The following PIEZO2 variants were observed in gnomAD, a reference collection of about 807,000 sequenced individuals.
PIEZO2 encodes piezo type mechanosensitive ion channel component 2.
Under a neutral mutation model 337.3 loss-of-function variants are expected in PIEZO2, and 172 were observed. That is an observed-to-expected ratio of 0.51 (90% confidence interval 0.45 to 0.58). The LOEUF (loss-of-function observed/expected upper bound fraction) is 0.58, where lower values mean the gene tolerates loss of function less well. PIEZO2 is among the 20% of genes least tolerant of loss of function. PIEZO2 has a pLI of 0.00. For synonymous variants in PIEZO2, 1,251 were observed against 1,228.5 expected (o/e 1.02, Z -0.38); for missense variants, 3,028 against 3,391.3 (o/e 0.89, Z 2.66).
chr18:10,786,905 A>G (rs994554392), intron 16 of PIEZO2, 131 bp downstream of exon 16: 47 of 921,202 alleles, frequency 5.1e-5, no homozygotes, highest in Non-Finnish European at 7.4e-5. Flanking sequence ...ACTCAGTTTT[A>G]ATTTCTATTA....
Position 11,104,492 on chromosome 18 carries a change from G to A in PIEZO2, c.65-38270C>T, listed in dbSNP as rs2039504194. The stretch of plus-strand genomic sequence containing the variant: ...GCAGCTGCCCTTCTCTCTAGGGGTG[G>A]GGCAGGGACGGCCTCCTGGGCAGGA... On this transcript the variant is annotated intron_variant, in intron 1 of 55. Transcript: ENST00000674853. This position sits in a 1 kb window ranked among gnomAD's most constrained non-coding sequence, Gnocchi z 4.6. Among the ~76,000 whole-genome samples the A allele has an allele frequency of 6.6e-6, 1 of 152,146 alleles. No individual in the cohort carries two copies. The highest frequency in any genetic ancestry group is 2.4e-5 in the African/African-American group (1 of 41,438).
chr18:11,012,297 A>C (rs2035935510), intron 2 of PIEZO2, among the ~76,000 whole-genome samples: 1 of 152,174 alleles, frequency 6.6e-6, no homozygotes. Context: ...TTTTTTTCTC[A>C]TGTACAATAT....
intron 2 of PIEZO2, among the ~76,000 whole-genome samples, chr18:11,037,870 C>T (rs1427030482): frequency 6.6e-6 from 1 of 152,196 alleles, no homozygotes; most frequent in Non-Finnish European, 1.5e-5. Flanking sequence ...TGTTTCCATC[C>T]ATATAGGTTT....
intron 2 of PIEZO2, among the ~76,000 whole-genome samples, chr18:11,036,335 C>A (rs1467505622): frequency 6.6e-6 from 1 of 152,100 alleles, no homozygotes; most frequent in Non-Finnish European, 1.5e-5. Flanking sequence ...GCTGAAAAAC[C>A]TAATGTTTTT....
chr18:10,811,275 G>T (rs577084875), intron 7 of PIEZO2, among the ~76,000 whole-genome samples: 20 of 152,230 alleles, frequency 1.3e-4, no homozygotes, highest in Admixed American at 1.0e-3. Context: ...CCACAACAAT[G>T]ATATTTGTAG....
intron 5 of PIEZO2, among the ~76,000 whole-genome samples, chr18:10,864,473 T>C (rs1375646324): frequency 6.6e-6 from 1 of 152,254 alleles, no homozygotes; most frequent in Non-Finnish European, 1.5e-5. Flanking sequence ...CCTACTCTAG[T>C]TATTCCCAAG....
At chr18:10,671,834 GA>G in intron 55 of PIEZO2, 55 bp from the exon 56 acceptor site, 1 of 1,417,676 alleles carries the variant, frequency 7.1e-7, no homozygotes, top group African/African-American at 1.5e-5. Flanking sequence ...AGTTAATAAA[GA>G]AAAGCATGTC....
Position 10,800,363 on chromosome 18 carries a change from C to T in PIEZO2, c.1352G>A (p.Arg451Gln), listed in dbSNP as rs747264342. 31 of 1,535,750 alleles carry T rather than the reference C, an allele frequency of 2.0e-5. No homozygotes were observed. The highest frequency in any genetic ancestry group is 1.8e-4 in the Admixed American group (9 of 50,806). ...KADLYSTPQY[R>Q]WEPSDESSEK... is the part of the protein sequence containing the mutation. ...TGAGGATTCATCAGAGGGCTCCCAC[C>T]GGTACTGAGGGGTGGAGTAGAGGTC... is the stretch of plus-strand genomic sequence containing the variant. The change falls in exon 11 of 56, where the codon CGG becomes CAG. Residue 451 changes from arginine to glutamine, a missense_variant. This residue lies in a region of PIEZO2 where 542 missense variants were observed against 605.6 expected (regional missense o/e 0.89). Transcript: ENST00000674853.
rs543693260 is a variant in PIEZO2, at chr18:11,038,204, T to C, written c.160+27923A>G. On this transcript the variant is annotated intron_variant, in intron 2 of 55. Transcript: ENST00000674853. This position sits in a 1 kb window ranked among gnomAD's most constrained non-coding sequence, Gnocchi z 4.1. ...TAGGTCCTAGTCACCAGAACCACTA[T>C]ACAGTAACACAGCCATAAAAATCAT... Among the ~76,000 whole-genome samples, 1 of 152,232 alleles carries C rather than the reference T, an allele frequency of 6.6e-6. No individual in the cohort carries two copies. The highest frequency in any genetic ancestry group is 2.4e-5 in the African/African-American group (1 of 41,534).
At position 11,097,218 on chromosome 18, in the gene PIEZO2, A is replaced by C. The variant is rs1420571276; in HGVS notation, c.65-30996T>G. ...TATATGTTTAAATGATTGAAAAAAA[A>C]AGTCAAAAGAAGACTAGATCATGAA... On this transcript the variant is annotated intron_variant, in intron 1 of 55. Transcript: ENST00000674853. This position sits in a 1 kb window ranked among gnomAD's most constrained non-coding sequence, Gnocchi z 5.0. Among the ~76,000 whole-genome samples the C allele has an allele frequency of 2.0e-5, 3 of 152,224 alleles. No individual in the cohort carries two copies. Among genetic ancestry groups the C allele is most frequent in the Admixed American group, 2.0e-4 (3 of 15,286 alleles).
chr18:10,916,235 A>G (rs1451622794), intron 3 of PIEZO2, among the ~76,000 whole-genome samples: 2 of 152,140 alleles, frequency 1.3e-5, no homozygotes, highest in Admixed American at 1.3e-4. Flanking sequence ...GGCTTCGCCT[A>G]GTGGATCCCA....
intron 2 of PIEZO2, among the ~76,000 whole-genome samples, chr18:11,012,563 C>T (rs1216356073): frequency 6.6e-6 from 1 of 152,166 alleles, no homozygotes; most frequent in Admixed American, 6.5e-5. Flanking sequence ...CTCTTGGGCA[C>T]CAGCTCAGGT....
intron 2 of PIEZO2, among the ~76,000 whole-genome samples, chr18:11,034,599 A>G (rs1208475382): frequency 6.6e-6 from 1 of 152,084 alleles, no homozygotes; most frequent in African/African-American, 2.4e-5. Context: ...GCTAAATGTA[A>G]CATTTCTTAG....
intron 3 of PIEZO2, among the ~76,000 whole-genome samples, chr18:10,934,478 C>A (rs1039128924): frequency 4.6e-5 from 7 of 152,080 alleles, no homozygotes; most frequent in African/African-American, 1.7e-4. Flanking sequence ...ACCACTCCCC[C>A]GCAAGTCAGG....
chr18:10,996,213 C>A (rs980749124), intron 2 of PIEZO2, among the ~76,000 whole-genome samples: 1 of 152,090 alleles, frequency 6.6e-6, no homozygotes, highest in Non-Finnish European at 1.5e-5. Context: ...GTTGCTTTCA[C>A]TGAAGAGAAC....
At position 10,761,578 on chromosome 18, in the gene PIEZO2, G is replaced by A. The variant is rs532322763; in HGVS notation, c.3250-467C>T. ...TAGATTGAAAAGCATGCTGACAACA[G>A]TAAAATAATAATAGTGATGATATAA... On this transcript the variant is annotated intron_variant, in intron 23 of 55. Coordinates refer to ENST00000674853, the MANE Select transcript of PIEZO2 (RefSeq NM_001378183.1). 5.3e-5 allele frequency among the ~76,000 whole-genome samples: 8 copies of A among 152,230 alleles called. No individual in the cohort carries two copies. The East Asian group carries it at 1.4e-3, about 26-fold the overall frequency.
intron 36 of PIEZO2, among the ~76,000 whole-genome samples, chr18:10,730,616 C>T (rs1475628129): frequency 6.6e-6 from 1 of 152,100 alleles, no homozygotes; most frequent in Non-Finnish European, 1.5e-5. Flanking sequence ...TTTCAAATAT[C>T]TTGGTATAAC....
intron 7 of PIEZO2, among the ~76,000 whole-genome samples, chr18:10,816,837 CA>C (rs2040378546): frequency 6.6e-6 from 1 of 152,072 alleles, no homozygotes; most frequent in African/African-American, 2.4e-5. Flanking sequence ...CTTTTTTGCA[CA>C]AATAGAAACT....
intron 2 of PIEZO2, among the ~76,000 whole-genome samples, chr18:11,049,897 C>T (rs559160210): frequency 6.6e-6 from 1 of 152,138 alleles, no homozygotes; most frequent in African/African-American, 2.4e-5. Context: ...CGGAGTAATA[C>T]AAAAGGTGAA....
Sources: gnomAD v4.1 joint callset for allele counts (sites outside exome capture counted in the v4.1 genomes callset) on GRCh38, gnomAD v4.1.1 for gene constraint, gnomAD v4.1.1 regional missense constraint, Gnocchi (gnomAD v3.1) non-coding constraint, MANE v1.5 for transcripts, NCBI Gene and HGNC (gene_info 2026-07-23, HGNC 2026-07-21) for gene names.